The following LINGO2 variants were observed in gnomAD, a reference collection of about 807,000 sequenced individuals.
LINGO2 encodes leucine rich repeat and Ig domain containing 2, also known as leucine-rich repeat and immunoglobulin-like domain-containing nogo receptor-interacting protein 2.
LINGO2 carries 14 observed loss-of-function variants against 30.6 expected under a neutral mutation model. The ratio of observed to expected loss-of-function variants is 0.46; its 90% CI spans 0.30 to 0.72. The LOEUF (loss-of-function observed/expected upper bound fraction) is 0.72. Ranked by LOEUF, LINGO2 falls within the 30% of genes least tolerant of loss-of-function variation. The pLI, the probability that LINGO2 is intolerant of heterozygous loss-of-function variation, is 0.07. For synonymous variants in LINGO2, 317 were observed against 288.5 expected (o/e 1.10, Z -1.00); for missense variants, 729 against 751.7 (o/e 0.97, Z 0.35).
At chr9:27,988,508 C>A (rs986517396) in intron 5 of LINGO2, among the ~76,000 whole-genome samples, 2 of 151,958 alleles carry the variant, frequency 1.3e-5, no homozygotes, top group Admixed American at 6.6e-5. Flanking sequence ...CTCTCCAGCA[C>A]CTGTTGTTTC....
intron 2 of LINGO2, among the ~76,000 whole-genome samples, chr9:28,412,798 A>G (rs1206737583): frequency 6.6e-6 from 1 of 152,052 alleles, no homozygotes; most frequent in Non-Finnish European, 1.5e-5. Flanking sequence ...CTCACCTTAA[A>G]TGATAAGTTC....
chr9:28,582,157 C>G (rs1824289320), intron 1 of LINGO2, among the ~76,000 whole-genome samples: 1 of 151,954 alleles, frequency 6.6e-6, no homozygotes, highest in Non-Finnish European at 1.5e-5. Flanking sequence ...GCTTAAATGA[C>G]TTTGATGAAA....
intron 4 of LINGO2, among the ~76,000 whole-genome samples, chr9:28,026,444 C>T (rs1315747278): frequency 6.6e-6 from 1 of 152,182 alleles, no homozygotes. Context: ...GTTTCTTCTG[C>T]ATAAAGCTGG....
At chr9:28,590,343 G>A (rs1393149587) in intron 1 of LINGO2, among the ~76,000 whole-genome samples, 1 of 151,958 alleles carries the variant, frequency 6.6e-6, no homozygotes, top group Non-Finnish European at 1.5e-5. Flanking sequence ...CACAGCAAAA[G>A]AAACTACCAT....
the LINGO2 span, among the ~76,000 whole-genome samples, chr9:28,973,316 G>C: frequency 6.6e-6 from 1 of 152,128 alleles, no homozygotes; most frequent in African/African-American, 2.4e-5. Flanking sequence ...ATACAATGGT[G>C]CTCCAATATG....
the LINGO2 span, among the ~76,000 whole-genome samples, chr9:29,193,666 G>A: frequency 6.6e-6 from 1 of 152,140 alleles, no homozygotes; most frequent in East Asian, 1.9e-4. Context: ...TTTGGGAAGT[G>A]GCATCTTTAC....
the LINGO2 span, among the ~76,000 whole-genome samples, chr9:28,926,148 A>T: frequency 6.6e-6 from 1 of 152,114 alleles, no homozygotes; most frequent in Non-Finnish European, 1.5e-5. Flanking sequence ...CCCCATCTCT[A>T]CTAAAAAATA....
At chr9:28,237,187 C>T (rs769243959) in intron 4 of LINGO2, among the ~76,000 whole-genome samples, 3 of 150,178 alleles carry the variant, frequency 2.0e-5, no homozygotes, top group Admixed American at 6.7e-5. Context: ...TTTGTTTATG[C>T]AATCAGTGCT....
chr9:28,860,388 A>G, the LINGO2 span, among the ~76,000 whole-genome samples: 7 of 152,044 alleles, frequency 4.6e-5, no homozygotes, highest in African/African-American at 1.7e-4. Context: ...TCCTTAATAG[A>G]CAAAGACTGA....
intron 2 of LINGO2, among the ~76,000 whole-genome samples, chr9:28,399,237 G>A (rs1822168495): frequency 6.6e-6 from 1 of 152,144 alleles, no homozygotes; most frequent in Non-Finnish European, 1.5e-5. Context: ...TTCTTCTGGG[G>A]ACTTAAGCAA....
intron 4 of LINGO2, among the ~76,000 whole-genome samples, chr9:28,241,873 A>G (rs1056429734): frequency 1.3e-5 from 2 of 152,190 alleles, no homozygotes; most frequent in African/African-American, 4.8e-5. Flanking sequence ...CAGCAGCCCT[A>G]CAGAAGAGGG....
At chr9:28,516,562 C>A (rs1820626887) in intron 1 of LINGO2, among the ~76,000 whole-genome samples, 1 of 152,158 alleles carries the variant, frequency 6.6e-6, no homozygotes, top group African/African-American at 2.4e-5. Context: ...TTAAATTCTG[C>A]AACCTGCTTT....
chr9:28,692,705 T>C, the LINGO2 span, among the ~76,000 whole-genome samples: 18 of 152,126 alleles, frequency 1.2e-4, no homozygotes, highest in Non-Finnish European at 1.9e-4. Context: ...TGAAACCTTC[T>C]CTAACACTAA....
chr9:28,856,315 C>T, the LINGO2 span, among the ~76,000 whole-genome samples: 1 of 152,030 alleles, frequency 6.6e-6, no homozygotes, highest in East Asian at 1.9e-4. Context: ...ATATTTCATG[C>T]TGACAATAAA....
chr9:28,679,890 G>A, the LINGO2 span, among the ~76,000 whole-genome samples: 12 of 151,780 alleles, frequency 7.9e-5, no homozygotes, highest in Non-Finnish European at 1.3e-4. Flanking sequence ...AATGGCTAAT[G>A]TATAATAGTA....
chr9:28,904,621 C>A, the LINGO2 span, among the ~76,000 whole-genome samples: 1 of 151,702 alleles, frequency 6.6e-6, no homozygotes, highest in African/African-American at 2.4e-5. Context: ...TACAAAAAAA[C>A]TTTAAAAATA....
At chr9:28,390,236 A>G (rs968259942) in intron 2 of LINGO2, among the ~76,000 whole-genome samples, 8 of 152,172 alleles carry the variant, frequency 5.3e-5, no homozygotes, top group African/African-American at 1.7e-4. Context: ...TAGCCTTCCC[A>G]TTGTTCGCAT....
chr9:28,367,538 G>A (rs1244472959), intron 3 of LINGO2, among the ~76,000 whole-genome samples: 1 of 151,986 alleles, frequency 6.6e-6, no homozygotes, highest in Non-Finnish European at 1.5e-5. Flanking sequence ...CTTTCTTGGT[G>A]GAGCATGTGG....
chr9:28,728,700 A>T, the LINGO2 span, among the ~76,000 whole-genome samples: 1 of 152,104 alleles, frequency 6.6e-6, no homozygotes, highest in Non-Finnish European at 1.5e-5. Context: ...AGATATTTTT[A>T]AAAATATAAA....
Sources: gnomAD v4.1 joint callset for allele counts (sites outside exome capture counted in the v4.1 genomes callset) on GRCh38, gnomAD v4.1.1 for gene constraint, MANE v1.5 for transcripts, NCBI Gene and HGNC (gene_info 2026-07-23, HGNC 2026-07-21) for gene names.